The following ZRANB3 variants were observed in gnomAD, a reference collection of about 807,000 sequenced individuals.
The protein encoded by ZRANB3 is DNA annealing helicase and endonuclease ZRANB3.
A neutral mutation model predicts 133.8 loss-of-function variants in ZRANB3; 125 were observed. That is an observed-to-expected ratio of 0.93 (90% CI 0.81 to 1.08). The LOEUF is 1.08. ZRANB3 is among the 50% of genes least tolerant of loss of function. ZRANB3 has a pLI of 0.00. For missense variants in ZRANB3, 1,229 were observed against 1,275.5 expected (o/e 0.96, Z 0.56); for synonymous variants, 387 against 432.7 (o/e 0.89, Z 1.31).
intron 12 of ZRANB3, among the ~76,000 whole-genome samples, chr2:135,239,117 G>A (rs1290972148): frequency 6.6e-6 from 1 of 152,056 alleles, no homozygotes; most frequent in Non-Finnish European, 1.5e-5. Context: ...GATAATGATA[G>A]CAAAATACCA....
intron 3 of ZRANB3, among the ~76,000 whole-genome samples, chr2:135,390,373 T>G (rs1307681192): frequency 6.6e-6 from 1 of 152,202 alleles, no homozygotes; most frequent in Non-Finnish European, 1.5e-5. Flanking sequence ...CATTTAAATC[T>G]ATCAGATTGT....
chr2:135,377,407 G>A (rs1686477754), intron 3 of ZRANB3, among the ~76,000 whole-genome samples: 2 of 152,100 alleles, frequency 1.3e-5, no homozygotes, highest in Admixed American at 1.3e-4. Context: ...TCAGTAAAAT[G>A]AAATTAGTTT....
intron 2 of ZRANB3, among the ~76,000 whole-genome samples, chr2:135,472,992 G>T (rs1011263965): frequency 1.3e-5 from 2 of 152,094 alleles, no homozygotes; most frequent in African/African-American, 4.8e-5. Flanking sequence ...CTAAGAAAGT[G>T]GACCATTCAA....
At chr2:135,530,535 T>C (rs532647483) in intron 1 of ZRANB3, 1 of 152,406 alleles carries the variant, frequency 6.6e-6, no homozygotes, top group East Asian at 1.9e-4. Context: ...CCTGGCGTAT[T>C]CGCCGCAGAA....
chr2:135,499,272 A>C (rs1692829345), intron 2 of ZRANB3, among the ~76,000 whole-genome samples: 1 of 152,216 alleles, frequency 6.6e-6, no homozygotes. Flanking sequence ...CCCAAACAGT[A>C]GTAGACAAAG....
chr2:135,414,513 T>C (rs1312698234), intron 2 of ZRANB3, among the ~76,000 whole-genome samples: 1 of 152,104 alleles, frequency 6.6e-6, no homozygotes, highest in Non-Finnish European at 1.5e-5. Context: ...TGGGAGACTT[T>C]AACACCCCAC....
intron 3 of ZRANB3, among the ~76,000 whole-genome samples, chr2:135,368,774 C>G (rs1686046756): frequency 2.0e-5 from 3 of 151,698 alleles, no homozygotes; most frequent in East Asian, 3.9e-4. Context: ...ACTATGTACC[C>G]ACAAAAATTA....
intron 6 of ZRANB3, among the ~76,000 whole-genome samples, chr2:135,333,710 AGTG>A (rs1261109760): frequency 6.6e-6 from 1 of 152,188 alleles, no homozygotes; most frequent in African/African-American, 2.4e-5. Flanking sequence ...GATGATGAAA[AGTG>A]GTAATGGTTG....
intron 3 of ZRANB3, 33 bp downstream of exon 3, chr2:135,390,769 T>C (rs749463060): frequency 6.4e-7 from 1 of 1,553,692 alleles, no homozygotes; most frequent in Non-Finnish European, 8.7e-7. Context: ...TGTGTAATCT[T>C]ATAAAAGACA....
At chr2:135,348,965 C>A (rs957915646) in intron 5 of ZRANB3, among the ~76,000 whole-genome samples, 1 of 152,116 alleles carries the variant, frequency 6.6e-6, no homozygotes, top group Admixed American at 6.6e-5. Context: ...TATATCATCA[C>A]CCCTATTATT....
At chr2:135,453,762 G>C (rs1435117762) in intron 2 of ZRANB3, among the ~76,000 whole-genome samples, 1 of 152,164 alleles carries the variant, frequency 6.6e-6, no homozygotes, top group East Asian at 1.9e-4. Flanking sequence ...CAAATCTCTA[G>C]GAGGTTCCAA....
At chr2:135,220,495 C>T (rs917969512) in intron 15 of ZRANB3, among the ~76,000 whole-genome samples, 3 of 151,616 alleles carry the variant, frequency 2.0e-5, no homozygotes, top group Admixed American at 6.6e-5. Context: ...GTCATGAGTT[C>T]GAGACGAGCC....
chr2:135,217,735 T>C (rs1694370830), intron 16 of ZRANB3, 128 bp from the exon 17 acceptor site: 1 of 1,117,362 alleles, frequency 8.9e-7, no homozygotes, highest in Non-Finnish European at 1.2e-6. Flanking sequence ...TTGAGTTCCA[T>C]AACCTAAGGC....
intron 2 of ZRANB3, among the ~76,000 whole-genome samples, chr2:135,462,094 T>A (rs1163381036): frequency 6.6e-6 from 1 of 152,300 alleles, no homozygotes; most frequent in African/African-American, 2.4e-5. Context: ...ACTAAAAACA[T>A]TAATTACCTT....
chr2:135,498,038 G>A (rs1199891315), intron 2 of ZRANB3, among the ~76,000 whole-genome samples: 3 of 151,568 alleles, frequency 2.0e-5, no homozygotes, highest in Non-Finnish European at 4.4e-5. Flanking sequence ...GGGCGACAGC[G>A]AGACTCTGTC....
chr2:135,206,040 C>T (rs1438442597), intron 19 of ZRANB3, among the ~76,000 whole-genome samples: 1 of 152,086 alleles, frequency 6.6e-6, no homozygotes, highest in African/African-American at 2.4e-5. Flanking sequence ...AACAGAAGAA[C>T]ATGTCAAACA....
chr2:135,480,082 C>T (rs145035969), intron 2 of ZRANB3, among the ~76,000 whole-genome samples: 224 of 151,198 alleles, frequency 1.5e-3, no homozygotes, highest in Non-Finnish European at 1.6e-3. Flanking sequence ...TACAGGCGCC[C>T]GCCACCATGT....
intron 2 of ZRANB3, among the ~76,000 whole-genome samples, chr2:135,451,293 G>A (rs1362849036): frequency 1.3e-5 from 2 of 152,082 alleles, no homozygotes; most frequent in African/African-American, 2.4e-5. Context: ...CGGGTACGGT[G>A]GCTCATGCCT....
At chr2:135,317,102 T>G (rs59272955) in intron 6 of ZRANB3, among the ~76,000 whole-genome samples, 15,739 of 151,700 alleles carry the variant, frequency 0.1, 1,077 homozygotes, top group South Asian at 0.32. Flanking sequence ...ATAAGAAATT[T>G]ACTTGTTTAA....
Sources: allele counts gnomAD v4.1 joint callset (sites outside exome capture counted in the v4.1 genomes callset), GRCh38; gene constraint gnomAD v4.1.1; transcripts MANE v1.5; gene names NCBI Gene and HGNC (gene_info 2026-07-23, HGNC 2026-07-21).